USH2A: variants seen among roughly 807,000 people sequenced by gnomAD.
USH2A encodes the protein usherin.
Under a neutral mutation model 538.9 loss-of-function variants are expected in USH2A, and 443 were observed. That is an observed-to-expected ratio of 0.82 (90% CI 0.76 to 0.89). The LOEUF is 0.89. Ranked by LOEUF, USH2A falls within the 40% of genes least tolerant of loss-of-function variation. The probability of loss-of-function intolerance (pLI) is 0.00; values close to 1 mark genes in which losing one functional copy is unlikely to be tolerated. For missense variants in USH2A, 6,633 were observed against 6,324.8 expected (o/e 1.05, Z -1.65); for synonymous variants, 2,413 against 2,273.5 (o/e 1.06, Z -1.75).
intron 37 of USH2A, among the ~76,000 whole-genome samples, chr1:215,957,109 T>A (rs1667087242): frequency 2.0e-5 from 3 of 152,180 alleles, no homozygotes; most frequent in Non-Finnish European, 4.4e-5. Context: ...AAAGATATAA[T>A]AACTATACTT....
chr1:215,807,391 C>T (rs1662533806), intron 49 of USH2A, among the ~76,000 whole-genome samples: 1 of 152,074 alleles, frequency 6.6e-6, no homozygotes, highest in Non-Finnish European at 1.5e-5. Context: ...TTAATTTCCC[C>T]TATAAGATTC....
At chr1:215,699,432 G>T (rs1268575014) in intron 61 of USH2A, among the ~76,000 whole-genome samples, 1 of 152,112 alleles carries the variant, frequency 6.6e-6, no homozygotes, top group African/African-American at 2.4e-5. Flanking sequence ...TCAGGATATT[G>T]ATTCTTCCTA....
chr1:216,323,254 ATATT>A (rs1264471723), intron 8 of USH2A, among the ~76,000 whole-genome samples: 3 of 141,988 alleles, frequency 2.1e-5, no homozygotes, highest in Non-Finnish European at 3.0e-5. Context: ...AAATATATAT[ATATT>A]TATTTATAAA....
At chr1:216,087,647 G>A (rs1335354638) in intron 23 of USH2A, among the ~76,000 whole-genome samples, 1 of 152,098 alleles carries the variant, frequency 6.6e-6, no homozygotes, top group East Asian at 1.9e-4. Context: ...AAACAGGCAT[G>A]AGCTAGATTT....
chr1:216,254,661 G>C (rs909974978), intron 11 of USH2A, among the ~76,000 whole-genome samples: 1 of 152,138 alleles, frequency 6.6e-6, no homozygotes, highest in Non-Finnish European at 1.5e-5. Flanking sequence ...AGAGAACTGA[G>C]GTGCCCCAGC....
intron 37 of USH2A, among the ~76,000 whole-genome samples, chr1:215,935,063 T>G (rs191769900): frequency 6.6e-5 from 10 of 152,152 alleles, no homozygotes; most frequent in Non-Finnish European, 1.2e-4. Flanking sequence ...AACTGTAGGA[T>G]AAAGCCATAT....
chr1:215,900,600 C>A, intron 39 of USH2A, 155 bp downstream of exon 39: 1 of 1,041,240 alleles, frequency 9.6e-7, no homozygotes, highest in East Asian at 2.6e-5. Context: ...GATATTTTTG[C>A]AAAGCAAATG....
chr1:216,287,773 A>G (rs1430084376), intron 11 of USH2A, among the ~76,000 whole-genome samples: 1 of 152,214 alleles, frequency 6.6e-6, no homozygotes, highest in Non-Finnish European at 1.5e-5. Flanking sequence ...CCTATACTAT[A>G]TAACAAAGCT....
chr1:216,251,789 G>T (rs1035799502), intron 11 of USH2A, among the ~76,000 whole-genome samples: 1 of 151,986 alleles, frequency 6.6e-6, no homozygotes, highest in African/African-American at 2.4e-5. Context: ...ATTTAAACTT[G>T]TTTTGTACAT....
chr1:216,278,336 T>C (rs1208363376), intron 11 of USH2A, among the ~76,000 whole-genome samples: 4 of 152,160 alleles, frequency 2.6e-5, no homozygotes. Flanking sequence ...AGGCAGTTTG[T>C]CACAACCTTG....
rs545094891 is a variant in USH2A at position 215,663,569 on chromosome 1, G to A, written c.14133+7403C>T. 9.9e-5 allele frequency among the ~76,000 whole-genome samples: 15 copies of A among 152,152 alleles called. No homozygotes were observed. In the South Asian group the frequency reaches 1.0e-3, roughly 11 times the overall value. Reference sequence around the variant, plus strand: ...TTGCTTCTGGCTGGAAGCATTTCCCGCATACCTCATGCAGCCCTGCCTGTA... The same window carrying A: ...TTGCTTCTGGCTGGAAGCATTTCCCACATACCTCATGCAGCCCTGCCTGTA... On this transcript the variant is annotated intron_variant, in intron 64 of 71. Coordinates refer to ENST00000307340, the MANE Select transcript of USH2A (RefSeq NM_206933.4).
At chr1:216,334,268 AT>A (rs2102669044) in intron 4 of USH2A, among the ~76,000 whole-genome samples, 1 of 152,140 alleles carries the variant, frequency 6.6e-6, no homozygotes, top group East Asian at 1.9e-4. Context: ...TTAAGTTGGT[AT>A]TAATTTGAAT....
At chr1:216,113,742 T>G (rs2102588020) in intron 21 of USH2A, among the ~76,000 whole-genome samples, 1 of 152,160 alleles carries the variant, frequency 6.6e-6, no homozygotes, top group Middle Eastern at 3.4e-3. Flanking sequence ...AAAGGGGGTT[T>G]ATTTTTGTTT....
chr1:215,683,470 C>T (rs144758039), intron 61 of USH2A, among the ~76,000 whole-genome samples: 29 of 152,232 alleles, frequency 1.9e-4, no homozygotes, highest in Middle Eastern at 3.4e-3. Flanking sequence ...TTTTAGAATC[C>T]TGCTGCAAAA....
intron 32 of USH2A, among the ~76,000 whole-genome samples, chr1:216,028,763 AAC>A (rs991312134): frequency 8.0e-4 from 122 of 152,222 alleles, no homozygotes; most frequent in African/African-American, 2.9e-3. Flanking sequence ...ATAATGCATA[AAC>A]ACATTTGTGG....
chr1:216,305,955 T>C (rs1207618878), intron 9 of USH2A, among the ~76,000 whole-genome samples: 1 of 152,208 alleles, frequency 6.6e-6, no homozygotes, highest in African/African-American at 2.4e-5. Context: ...CCTTCCTTCA[T>C]CTTGACTTTA....
intron 9 of USH2A, among the ~76,000 whole-genome samples, chr1:216,307,194 G>C (rs2037333815): frequency 6.6e-6 from 1 of 152,116 alleles, no homozygotes; most frequent in Non-Finnish European, 1.5e-5. Flanking sequence ...GGTAGGGTCA[G>C]GGTTAGGTGT....
intron 61 of USH2A, among the ~76,000 whole-genome samples, chr1:215,704,983 A>G (rs959615660): frequency 4.6e-5 from 7 of 152,212 alleles, no homozygotes; most frequent in Non-Finnish European, 7.3e-5. Flanking sequence ...TGGGTGCTCT[A>G]TAGATGTCTG....
At chr1:215,801,166 CTATA>C (rs1417700320) in intron 49 of USH2A, among the ~76,000 whole-genome samples, 3 of 151,880 alleles carry the variant, frequency 2.0e-5, no homozygotes, top group African/African-American at 7.2e-5. Context: ...TGAGAAAAAC[CTATA>C]CCTAATGTCA....
Sources: gnomAD v4.1 joint callset for allele counts (sites outside exome capture counted in the v4.1 genomes callset) on GRCh38, gnomAD v4.1.1 for gene constraint, MANE v1.5 for transcripts, NCBI Gene and HGNC (gene_info 2026-07-23, HGNC 2026-07-21) for gene names.